Variants in PWWP2A observed in about 807,000 individuals in gnomAD.
The protein encoded by PWWP2A is PWWP domain-containing protein 2A.
A neutral mutation model predicts 48.5 loss-of-function variants in PWWP2A; 18 were observed. That is an observed-to-expected ratio of 0.37 (90% CI 0.26 to 0.55). PWWP2A has a LOEUF of 0.55. Ranked by LOEUF, PWWP2A falls within the 20% of genes least tolerant of loss-of-function variation. PWWP2A has a pLI of 0.81. For missense variants in PWWP2A, 867 were observed against 976.4 expected (o/e 0.89, Z 1.49); for synonymous variants, 396 against 387.7 (o/e 1.02, Z -0.25).
At chr5:160,110,894 G>A (rs1484640264) in intron 1 of PWWP2A, among the ~76,000 whole-genome samples, 1 of 150,482 alleles carries the variant, frequency 6.6e-6, no homozygotes, top group Non-Finnish European at 1.5e-5. Flanking sequence ...ACCCGGGCTT[G>A]GTGGTACAAG....
At chr5:160,065,025 ACTC>A in intron 4 of PWWP2A, 1 of 1,613,408 alleles carries the variant, frequency 6.2e-7, no homozygotes, top group Non-Finnish European at 8.5e-7. Context: ...ACCGGCTCGT[ACTC>A]CATCAATTTC....
chr5:160,064,990 T>C, intron 4 of PWWP2A: 1 of 1,614,048 alleles, frequency 6.2e-7, no homozygotes, highest in South Asian at 1.1e-5. Flanking sequence ...CCACGGAAAA[T>C]TTCCAGATCA....
chr5:160,048,694 T>G, the PWWP2A span, among the ~76,000 whole-genome samples: 1 of 152,212 alleles, frequency 6.6e-6, no homozygotes, highest in African/African-American at 2.4e-5. Flanking sequence ...AGAATGATAG[T>G]CTGCCACCAG....
chr5:160,065,123 TA>T, intron 4 of PWWP2A: 1 of 1,585,998 alleles, frequency 6.3e-7, no homozygotes, highest in Non-Finnish European at 8.5e-7. Flanking sequence ...TGCTGTTAGC[TA>T]GGGGAAAGGC....
intron 1 of PWWP2A, among the ~76,000 whole-genome samples, chr5:160,115,350 G>A (rs1758013514): frequency 6.6e-6 from 1 of 151,916 alleles, no homozygotes; most frequent in African/African-American, 2.4e-5. Context: ...GAGCCCAGGA[G>A]CACGAGATCA....
intron 1 of PWWP2A, among the ~76,000 whole-genome samples, chr5:160,112,125 T>TC (rs1377253952): frequency 3.3e-4 from 3 of 9,154 alleles, no homozygotes; most frequent in African/African-American, 1.4e-3. Context: ...AGACCCTTTC[T>TC]CAAAAAAAAA....
intron 2 of PWWP2A, among the ~76,000 whole-genome samples, chr5:160,085,951 T>A (rs1174775302): frequency 6.6e-6 from 1 of 152,040 alleles, no homozygotes; most frequent in East Asian, 1.9e-4. Context: ...CCTGAGCAGC[T>A]GGGACTACAG....
chr5:160,111,138 G>GT (rs1459567139), intron 1 of PWWP2A, among the ~76,000 whole-genome samples: 1 of 152,078 alleles, frequency 6.6e-6, no homozygotes, highest in Non-Finnish European at 1.5e-5. Context: ...ACCAGCCTGG[G>GT]CAACATAGCG....
chr5:160,091,376 G>GTTTTTTTTTTT lies in PWWP2A; in HGVS notation c.*995_*1005dup, dbSNP rs368598091. ...TGATTTTATTTACAGCTTTTTTTTG[G>GTTTTTTTTTTT]TTTTTTTTTTTTTTTTTACATTTCA... On this transcript the variant is annotated 3_prime_UTR_variant, in exon 2 of 2. Coordinates refer to ENST00000307063, the MANE Select transcript of PWWP2A (RefSeq NM_001130864.2). The GTTTTTTTTTTT allele has an allele frequency of 1.4e-6, 1 of 706,960 alleles. No homozygotes were observed. 43.8% of individuals were successfully genotyped at this position (706,960 alleles called of 1,614,324 possible). A position where few individuals can be genotyped will look rare whatever the true frequency, so the allele number is the denominator to read the frequency against.
chr5:160,051,300 A>G, the PWWP2A span: 1 of 771,868 alleles, frequency 1.3e-6, no homozygotes, highest in Non-Finnish European at 2.0e-6. Context: ...CCACAAGGCT[A>G]CTGACTTCTG....
exon 4 of PWWP2A, chr5:160,076,029 A>C (rs1179191638): frequency 1.3e-5 from 2 of 152,108 alleles, no homozygotes; most frequent in Admixed American, 1.3e-4. Flanking sequence ...ATACAGACAA[A>C]AGGTAGCATG....
At chr5:160,104,961 G>A (rs1756716448) in intron 1 of PWWP2A, among the ~76,000 whole-genome samples, 1 of 152,138 alleles carries the variant, frequency 6.6e-6, no homozygotes, top group African/African-American at 2.4e-5. Flanking sequence ...CATACTGGTG[G>A]CCAGGCCTTG....
chr5:160,069,941 G>A (rs746770115), intron 2 of PWWP2A, among the ~76,000 whole-genome samples: 1 of 152,264 alleles, frequency 6.6e-6, no homozygotes, highest in Non-Finnish European at 1.5e-5. Flanking sequence ...CAAGTCTTGT[G>A]TTTTCTGTAT....
At chr5:160,111,420 G>A (rs1276999916) in intron 1 of PWWP2A, among the ~76,000 whole-genome samples, 2 of 152,046 alleles carry the variant, frequency 1.3e-5, no homozygotes, top group East Asian at 1.9e-4. Context: ...TGCCCACCTC[G>A]GCCTCCCAAA....
At chr5:160,071,363 A>G (rs1333111731), downstream of PWWP2A, among the ~76,000 whole-genome samples, 1 of 152,094 alleles carries the variant, frequency 6.6e-6, no homozygotes, top group Non-Finnish European at 1.5e-5. Flanking sequence ...GCCTGAATAG[A>G]TAGTGGGATG....
chr5:160,063,985 T>TTTC (rs10649446), intron 4 of PWWP2A, among the ~76,000 whole-genome samples: 1 of 148,756 alleles, frequency 6.7e-6, no homozygotes, highest in Admixed American at 6.7e-5. Flanking sequence ...TTTTTTTTTT[T>TTTC]TGAGACGGAG....
At chr5:160,118,758 C>G (rs1226643355) in intron 1 of PWWP2A, 47 bp downstream of exon 1, 10 of 1,377,816 alleles carry the variant, frequency 7.3e-6, no homozygotes, top group Non-Finnish European at 9.4e-6. Flanking sequence ...CTCACTCCCT[C>G]CCTGGGGACC....
At chr5:160,097,696 GT>G (rs1311502471) in intron 1 of PWWP2A, among the ~76,000 whole-genome samples, 20 of 80,504 alleles carry the variant, frequency 2.5e-4, no homozygotes, top group African/African-American at 7.7e-4. Flanking sequence ...TTTACTAGAG[GT>G]TTTTTTTTTG....
chr5:160,058,529 G>A (rs935778831), downstream of PWWP2A, among the ~76,000 whole-genome samples: 6 of 150,864 alleles, frequency 4.0e-5, no homozygotes, highest in African/African-American at 1.5e-4. Flanking sequence ...TCCTGCCTCA[G>A]CCTCCTGAGT....
Sources: allele counts gnomAD v4.1 joint callset (sites outside exome capture counted in the v4.1 genomes callset), GRCh38; gene constraint gnomAD v4.1.1; transcripts MANE v1.5; gene names NCBI Gene and HGNC (gene_info 2026-07-23, HGNC 2026-07-21).